MMP16: variants seen among roughly 807,000 people sequenced by gnomAD.
MMP16 encodes matrix metalloproteinase-16.
Under a neutral mutation model 67.8 loss-of-function variants are expected in MMP16, and 12 were observed. That is an observed-to-expected ratio of 0.18 (90% CI 0.11 to 0.29). The LOEUF (loss-of-function observed/expected upper bound fraction) is 0.29, where lower values mean the gene tolerates loss of function less well. MMP16 is among the 10% of genes least tolerant of loss of function. MMP16 has a pLI of 1.00. For missense variants in MMP16, 475 were observed against 765.7 expected, an observed-to-expected ratio of 0.62 and a Z score of 4.48; for synonymous variants, 249 against 255.9, an observed-to-expected ratio of 0.97 and a Z score of 0.26.
intron 1 of MMP16, among the ~76,000 whole-genome samples, chr8:88,309,673 C>T (rs1408752270): frequency 1.3e-5 from 2 of 152,046 alleles, no homozygotes; most frequent in Non-Finnish European, 2.9e-5. Flanking sequence ...TCTAAGACTA[C>T]ACTTCCTCTA....
intron 2 of MMP16, among the ~76,000 whole-genome samples, chr8:88,194,181 T>C (rs980939171): frequency 2.6e-5 from 4 of 152,010 alleles, no homozygotes; most frequent in Admixed American, 1.3e-4. Context: ...TACTTTTAAT[T>C]ACCCAGTAAT....
Position 88,316,122 on chromosome 8 carries a change from T to C in MMP16, c.132+10953A>G, listed in dbSNP as rs529636980. On this transcript the variant is annotated intron_variant, in intron 1 of 9. Coordinates refer to ENST00000286614, the MANE Select transcript of MMP16 (RefSeq NM_005941.5). ...AGAAAAGTTGAAAGCTAGAAGTGGT[T>C]GGTTCATGAGGTTTAGGAAAGAAGC... Among the ~76,000 whole-genome samples the C allele has an allele frequency of 2.6e-5, 4 of 152,314 alleles. No homozygotes were observed. The South Asian group carries it at 8.3e-4, about 32-fold the overall frequency.
chr8:88,248,110 C>T (rs1810148835), intron 1 of MMP16, among the ~76,000 whole-genome samples: 1 of 152,014 alleles, frequency 6.6e-6, no homozygotes, highest in Non-Finnish European at 1.5e-5. Flanking sequence ...GAGGCTGGGG[C>T]TGCATTAGCT....
intron 1 of MMP16, among the ~76,000 whole-genome samples, chr8:88,200,366 C>CTT (rs1809323572): frequency 6.6e-6 from 1 of 152,118 alleles, no homozygotes; most frequent in African/African-American, 2.4e-5. Flanking sequence ...TTAAGGCAAA[C>CTT]TTTGACTCTT....
At chr8:88,203,276 T>C (rs1809373420) in intron 1 of MMP16, among the ~76,000 whole-genome samples, 1 of 152,040 alleles carries the variant, frequency 6.6e-6, no homozygotes, top group East Asian at 1.9e-4. Context: ...GCAATTTTTT[T>C]GTATTTTTAG....
intron 1 of MMP16, among the ~76,000 whole-genome samples, chr8:88,252,160 C>G (rs1057398069): frequency 1.1e-4 from 17 of 148,778 alleles, no homozygotes; most frequent in Admixed American, 7.4e-4. Context: ...ACCCAAAGGA[C>G]TATAAATCAT....
chr8:88,324,034 C>G (rs866607412), intron 1 of MMP16, among the ~76,000 whole-genome samples: 2 of 151,982 alleles, frequency 1.3e-5, no homozygotes, highest in Non-Finnish European at 2.9e-5. Context: ...AAAAAGGGAT[C>G]CAATGATATA....
At chr8:88,279,443 A>T (rs1392213819) in intron 1 of MMP16, among the ~76,000 whole-genome samples, 1 of 152,186 alleles carries the variant, frequency 6.6e-6, no homozygotes, top group African/African-American at 2.4e-5. Flanking sequence ...AGTCTAATGT[A>T]TTGAAGGGGT....
chr8:88,089,204 C>T (rs1407949243), intron 6 of MMP16, among the ~76,000 whole-genome samples: 1 of 151,926 alleles, frequency 6.6e-6, no homozygotes, highest in African/African-American at 2.4e-5. Context: ...CTTGAGAAGC[C>T]TTTTAAGGCA....
At chr8:88,243,315 T>C (rs1193734279) in intron 1 of MMP16, among the ~76,000 whole-genome samples, 1 of 152,106 alleles carries the variant, frequency 6.6e-6, no homozygotes, top group Non-Finnish European at 1.5e-5. Context: ...ATTTGATGTA[T>C]TTTGCTCACA....
At chr8:88,082,877 T>C (rs1808776016) in intron 6 of MMP16, among the ~76,000 whole-genome samples, 1 of 152,012 alleles carries the variant, frequency 6.6e-6, no homozygotes, top group Non-Finnish European at 1.5e-5. Context: ...AATAAATCCC[T>C]AAATTCATCT....
chr8:88,115,333 T>G (rs1448824172), intron 6 of MMP16, among the ~76,000 whole-genome samples: 1 of 152,062 alleles, frequency 6.6e-6, no homozygotes, highest in Non-Finnish European at 1.5e-5. Flanking sequence ...AAGTAAGATT[T>G]TCTTTACTCT....
intron 1 of MMP16, among the ~76,000 whole-genome samples, chr8:88,277,718 T>C (rs1810669336): frequency 6.6e-6 from 1 of 152,202 alleles, no homozygotes; most frequent in Non-Finnish European, 1.5e-5. Context: ...GAATGAATTT[T>C]TGATCTCTAC....
intron 4 of MMP16, among the ~76,000 whole-genome samples, chr8:88,148,801 T>A (rs1808340381): frequency 1.3e-5 from 2 of 152,138 alleles, no homozygotes; most frequent in South Asian, 2.1e-4. Flanking sequence ...TCTTTTAAAA[T>A]CTCTACATGT....
chr8:88,071,659 G>A (rs1441328090), intron 7 of MMP16, among the ~76,000 whole-genome samples: 1 of 152,094 alleles, frequency 6.6e-6, no homozygotes, highest in Non-Finnish European at 1.5e-5. Flanking sequence ...ACTTGTACAT[G>A]GCTATAAGTA....
At chr8:88,187,368 A>G (rs1309655708) in intron 2 of MMP16, among the ~76,000 whole-genome samples, 1 of 152,110 alleles carries the variant, frequency 6.6e-6, no homozygotes, top group Non-Finnish European at 1.5e-5. Context: ...CCACTGTCAC[A>G]TTTTCTATCT....
chr8:88,266,457 T>C (rs1440892731), intron 1 of MMP16, among the ~76,000 whole-genome samples: 4 of 152,142 alleles, frequency 2.6e-5, no homozygotes, highest in Admixed American at 2.6e-4. Flanking sequence ...TCATCTGGAG[T>C]ATAAATTTAT....
intron 4 of MMP16, among the ~76,000 whole-genome samples, chr8:88,146,889 AT>A: frequency 6.6e-6 from 1 of 151,870 alleles, no homozygotes; most frequent in Non-Finnish European, 1.5e-5. Context: ...TATACTCCAA[AT>A]TTTTCCCCAA....
intron 1 of MMP16, among the ~76,000 whole-genome samples, chr8:88,216,834 T>C (rs1395052643): frequency 1.3e-5 from 2 of 152,116 alleles, no homozygotes; most frequent in Non-Finnish European, 2.9e-5. Context: ...GCAAAGTTTC[T>C]CCACAGTGAA....
Sources: allele counts gnomAD v4.1 joint callset (sites outside exome capture counted in the v4.1 genomes callset), GRCh38; gene constraint gnomAD v4.1.1; transcripts MANE v1.5; gene names NCBI Gene and HGNC (gene_info 2026-07-23, HGNC 2026-07-21).